Variants in ARID1B observed in about 807,000 individuals in gnomAD.
The protein encoded by ARID1B is AT-rich interactive domain-containing protein 1B.
ARID1B carries 30 observed loss-of-function variants against 212.3 expected under a neutral mutation model. That is an observed-to-expected ratio of 0.14 (90% CI 0.11 to 0.19). The LOEUF (loss-of-function observed/expected upper bound fraction) is 0.19, where lower values mean the gene tolerates loss of function less well. Ranked by LOEUF, ARID1B falls within the 10% of genes least tolerant of loss-of-function variation. ARID1B has a pLI of 1.00. For synonymous variants in ARID1B, 1,402 were observed against 1,301.7 expected, an observed-to-expected ratio of 1.08 and a Z score of -1.66; for missense variants, 2,891 against 3,204.0, an observed-to-expected ratio of 0.90 and a Z score of 2.36.
At chr6:157,193,449 T>G (rs1477431668) in intron 15 of ARID1B, 2 of 152,116 alleles carry the variant, frequency 1.3e-5, no homozygotes, top group African/African-American at 4.8e-5. Flanking sequence ...CAGTAACACT[T>G]AATTATATCT....
At chr6:156,913,068 A>G (rs1392300235) in intron 3 of ARID1B, among the ~76,000 whole-genome samples, 2 of 132,178 alleles carry the variant, frequency 1.5e-5, no homozygotes, top group Non-Finnish European at 3.2e-5. Flanking sequence ...GTAAAATTGT[A>G]TGTATTTACT....
At chr6:156,937,217 GAGA>G (rs1234166062) in intron 4 of ARID1B, 2 of 152,204 alleles carry the variant, frequency 1.3e-5, no homozygotes, top group South Asian at 2.1e-4. Context: ...GTGAGAGAGA[GAGA>G]AGGAGAGAGA....
At chr6:157,104,384 A>C (rs1395457062) in intron 5 of ARID1B, among the ~76,000 whole-genome samples, 1 of 152,236 alleles carries the variant, frequency 6.6e-6, no homozygotes, top group African/African-American at 2.4e-5. Flanking sequence ...TCAGTAATGT[A>C]CTACAGATAT....
Position 156,778,445 on chromosome 6 carries a change from C to A in ARID1B, c.765C>A (p.Asp255Glu), listed in dbSNP as rs1171803835. 1.9e-5 allele frequency: 27 copies of A among 1,407,610 alleles called. No individual in the cohort carries two copies. The highest frequency in any genetic ancestry group is 4.5e-5 in the African/African-American group (3 of 65,992). 87.2% of individuals were successfully genotyped at this position (1,407,610 alleles called of 1,614,324 possible). A position where few individuals can be genotyped will look rare whatever the true frequency, so the allele number is the denominator to read the frequency against. ...ACAGTGCTGCGGGCGGCCAGGCCGA[C>A]CCCCCGGGCCCGCCGCTGCTGAGCA... is the stretch of plus-strand genomic sequence containing the variant. ...AKDSAAGGQA[D>E]PPGPPLLSKP... The change falls in exon 1 of 20, where the codon GAC becomes GAA. Residue 255 changes from aspartate (D) to glutamate (E), a missense_variant. By Grantham distance (45) the Asp-to-Glu change is conservative. Transcript: ENST00000636930.
chr6:156,985,202 T>G (rs1167861321), intron 4 of ARID1B: 1 of 152,148 alleles, frequency 6.6e-6, no homozygotes, highest in Non-Finnish European at 1.5e-5. Context: ...TAAAGAGAAG[T>G]GAGAATATAA....
intron 4 of ARID1B, among the ~76,000 whole-genome samples, chr6:156,989,830 T>G (rs1778161406): frequency 6.6e-6 from 1 of 152,062 alleles, no homozygotes. Context: ...GTGGTAGATG[T>G]ATGTTACCTC....
chr6:156,818,652 G>C (rs114536254), intron 1 of ARID1B, among the ~76,000 whole-genome samples: 1,676 of 152,296 alleles, frequency 0.011, 28 homozygotes, highest in African/African-American at 0.037. Flanking sequence ...AAGTAGGAGA[G>C]AGATGTGAAC....
At chr6:156,826,187 CAAAG>C in intron 1 of ARID1B, among the ~76,000 whole-genome samples, 1 of 152,170 alleles carries the variant, frequency 6.6e-6, no homozygotes, top group Non-Finnish European at 1.5e-5. Context: ...GGGCCTGGGG[CAAAG>C]CACCCTCTTT....
chr6:156,826,481 G>A (rs369402943), intron 1 of ARID1B, among the ~76,000 whole-genome samples: 6 of 152,206 alleles, frequency 3.9e-5, no homozygotes, highest in Non-Finnish European at 7.3e-5. Flanking sequence ...TGGGCACAAC[G>A]CACATAGTAG....
intron 8 of ARID1B, 81 bp downstream of exon 8, chr6:157,149,032 G>A: frequency 7.2e-7 from 1 of 1,384,314 alleles, no homozygotes; most frequent in Non-Finnish European, 9.9e-7. Flanking sequence ...TAGCTGCATT[G>A]TTCCCTGGGG....
intron 4 of ARID1B, among the ~76,000 whole-genome samples, chr6:156,951,945 T>C (rs373876565): frequency 2.0e-5 from 3 of 152,208 alleles, no homozygotes; most frequent in Admixed American, 6.5e-5. Context: ...ACATAAATGA[T>C]TGAATAATTA....
At chr6:157,110,637 G>A (rs1786840813) in intron 6 of ARID1B, 76 bp downstream of exon 6, 2 of 1,324,080 alleles carry the variant, frequency 1.5e-6, no homozygotes, top group Non-Finnish European at 2.2e-6. Flanking sequence ...GCTTACCTAT[G>A]CACCTCCTTA....
At chr6:156,867,872 G>A (rs1359745665) in intron 2 of ARID1B, among the ~76,000 whole-genome samples, 1 of 152,170 alleles carries the variant, frequency 6.6e-6, no homozygotes, top group African/African-American at 2.4e-5. Context: ...AAAGGCAGGT[G>A]GAGAAAGCAA....
In ARID1B at chr6:156,778,378, C is replaced by T. The variant is rs2114972518; in HGVS notation, c.698C>T (p.Pro233Leu). The T allele has an allele frequency of 6.5e-7, 1 of 1,534,944 alleles. No individual in the cohort carries two copies. Among genetic ancestry groups the T allele is most frequent in the Non-Finnish European group, 8.7e-7 (1 of 1,144,882 alleles). ...LGGAGGGAPQ[P>L]GPDMEQPQHG... is the part of the protein sequence containing the mutation. Reference sequence around the variant, plus strand: ...GGCGCGGGCGGCGGCGCGCCTCAGCCCGGCCCCGACATGGAGCAGCCGCAA... The same window carrying T: ...GGCGCGGGCGGCGGCGCGCCTCAGCTCGGCCCCGACATGGAGCAGCCGCAA... Residue 233 changes from proline to leucine, a missense_variant, in exon 1 of 20, where the codon CCC becomes CTC. Pro to Leu is a moderately conservative substitution (Grantham distance 98). This residue lies in a region of ARID1B where 1,643 missense variants were observed against 1,544.0 expected (regional missense o/e 1.06). Coordinates refer to ENST00000636930, the MANE Select transcript of ARID1B (RefSeq NM_001374828.1).
intron 2 of ARID1B, among the ~76,000 whole-genome samples, chr6:156,881,149 T>TGG (rs1253543735): frequency 6.6e-6 from 1 of 152,134 alleles, no homozygotes; most frequent in African/African-American, 2.4e-5. Context: ...TCTCCCTGGG[T>TGG]GGGGCCTGCA....
chr6:157,040,180 T>C (rs1781784411), intron 4 of ARID1B, among the ~76,000 whole-genome samples: 1 of 152,202 alleles, frequency 6.6e-6, no homozygotes, highest in South Asian at 2.1e-4. Flanking sequence ...CCTTGTGATC[T>C]GCCCGCCTCG....
chr6:156,923,985 G>A (rs1363475595), intron 3 of ARID1B, among the ~76,000 whole-genome samples: 22 of 152,166 alleles, frequency 1.4e-4, no homozygotes, highest in Admixed American at 1.4e-3. Context: ...ATAATCTATG[G>A]TGCCCAGACT....
At chr6:156,852,897 TAC>T (rs748317433) in intron 2 of ARID1B, among the ~76,000 whole-genome samples, 2 of 152,252 alleles carry the variant, frequency 1.3e-5, no homozygotes, top group African/African-American at 2.4e-5. Flanking sequence ...GCAAAAGGTT[TAC>T]TAAACAAACA....
intron 3 of ARID1B, among the ~76,000 whole-genome samples, chr6:156,921,744 TCAG>T (rs770351736): frequency 1.3e-5 from 2 of 152,234 alleles, no homozygotes; most frequent in Non-Finnish European, 2.9e-5. Flanking sequence ...TAAAAAAAAT[TCAG>T]CAGAATCCTT....
Sources: gnomAD v4.1 joint callset for allele counts (sites outside exome capture counted in the v4.1 genomes callset) on GRCh38, gnomAD v4.1.1 for gene constraint, gnomAD v4.1.1 regional missense constraint, MANE v1.5 for transcripts, NCBI Gene and HGNC (gene_info 2026-07-23, HGNC 2026-07-21) for gene names.